Variants in NRXN3 observed in about 807,000 individuals in gnomAD.
NRXN3 encodes the protein neurexin 3.
In NRXN3, 32 loss-of-function variants were observed where a neutral mutation model predicts 137.6. The ratio of observed to expected loss-of-function variants is 0.23; its 90% confidence interval spans 0.18 to 0.31. The LOEUF is 0.31. NRXN3 is among the 10% of genes least tolerant of loss of function. NRXN3 has a pLI of 1.00. For missense variants in NRXN3, 1,574 were observed against 2,062.5 expected (o/e 0.76, Z 4.59); for synonymous variants, 798 against 784.5 (o/e 1.02, Z -0.29).
intron 15 of NRXN3, among the ~76,000 whole-genome samples, chr14:79,076,711 A>G (rs775972816): frequency 6.6e-6 from 1 of 152,188 alleles, no homozygotes; most frequent in Non-Finnish European, 1.5e-5. Flanking sequence ...GGGAGGGAAT[A>G]ATCAAGGGTA....
intron 17 of NRXN3, among the ~76,000 whole-genome samples, chr14:79,667,260 G>T (rs2098565225): frequency 6.6e-6 from 1 of 151,940 alleles, no homozygotes; most frequent in African/African-American, 2.4e-5. Flanking sequence ...AATAACAGTA[G>T]GTTTAGAAAT....
intron 15 of NRXN3, among the ~76,000 whole-genome samples, chr14:79,009,004 T>C (rs998333597): frequency 1.2e-4 from 18 of 152,110 alleles, no homozygotes; most frequent in African/African-American, 4.3e-4. Context: ...TAAGTAATGA[T>C]GTTTGCCGGG....
intron 1 of NRXN3, among the ~76,000 whole-genome samples, chr14:78,212,832 G>A (rs1021809685): frequency 5.3e-5 from 8 of 152,160 alleles, no homozygotes; most frequent in African/African-American, 1.9e-4. Flanking sequence ...ACTTTTGGTA[G>A]TGGAACTTTT....
At chr14:79,442,009 A>G (rs1041891549) in intron 15 of NRXN3, among the ~76,000 whole-genome samples, 38 of 152,228 alleles carry the variant, frequency 2.5e-4, no homozygotes, top group African/African-American at 8.9e-4. Context: ...CTAGGTGAGT[A>G]TAGGAAGCAT....
In NRXN3 at chr14:78,587,814, T is replaced by C. The variant is rs145589856; in HGVS notation, c.758-57306T>C. 4.5e-3 allele frequency among the ~76,000 whole-genome samples: 680 copies of C among 152,342 alleles called. 5 individuals are homozygous for C. The highest frequency in any genetic ancestry group is 0.016 in the African/African-American group (651 of 41,578). The stretch of plus-strand genomic sequence containing the variant: ...TGTTATATTAGATGTTGGGCCTTTG[T>C]CATATTTCTATATTTTGTGTTGTTT... On this transcript the variant is annotated intron_variant, in intron 4 of 20. Transcript: ENST00000335750.
chr14:78,542,646 G>C (rs924564303), intron 4 of NRXN3, among the ~76,000 whole-genome samples: 2 of 152,076 alleles, frequency 1.3e-5, no homozygotes, highest in Non-Finnish European at 2.9e-5. Context: ...GCACTTCCTG[G>C]GTGAGGCGAT....
At chr14:78,880,321 A>G (rs1176000843) in intron 10 of NRXN3, among the ~76,000 whole-genome samples, 1 of 152,026 alleles carries the variant, frequency 6.6e-6, no homozygotes, top group Non-Finnish European at 1.5e-5. Context: ...GGAAGCCAAT[A>G]AAGGATGGAG....
intron 19 of NRXN3, among the ~76,000 whole-genome samples, chr14:79,766,804 G>A (rs1463321220): frequency 3.9e-5 from 6 of 152,110 alleles, no homozygotes; most frequent in African/African-American, 1.2e-4. Flanking sequence ...AGGCAGGCAG[G>A]AAGAAGAAGG....
chr14:79,750,387 C>T (rs968713045), intron 19 of NRXN3, among the ~76,000 whole-genome samples: 7 of 152,114 alleles, frequency 4.6e-5, no homozygotes, highest in Non-Finnish European at 7.4e-5. Flanking sequence ...CTTATATTTG[C>T]ATTCTTACCA....
intron 4 of NRXN3, among the ~76,000 whole-genome samples, chr14:78,558,070 A>C (rs1360558690): frequency 6.6e-6 from 1 of 152,248 alleles, no homozygotes; most frequent in Admixed American, 6.5e-5. Flanking sequence ...GTGGTAGAGC[A>C]GCATTTGAAC....
chr14:79,078,254 C>G (rs1199308607), intron 15 of NRXN3, among the ~76,000 whole-genome samples: 2 of 152,088 alleles, frequency 1.3e-5, no homozygotes, highest in Non-Finnish European at 2.9e-5. Context: ...ATTCAAGATA[C>G]TTTGGTGTCA....
chr14:79,831,375 A>T (rs977743535), intron 20 of NRXN3, among the ~76,000 whole-genome samples: 1 of 152,198 alleles, frequency 6.6e-6, no homozygotes, highest in African/African-American at 2.4e-5. Flanking sequence ...AGATTATGGC[A>T]TTTCACACAT....
chr14:78,422,731 A>G (rs1355758341), intron 4 of NRXN3, among the ~76,000 whole-genome samples: 1 of 152,216 alleles, frequency 6.6e-6, no homozygotes, highest in African/African-American at 2.4e-5. Flanking sequence ...TCTTTCTTTC[A>G]GTTCACAAAA....
At chr14:79,414,550 C>T (rs142617151) in intron 15 of NRXN3, among the ~76,000 whole-genome samples, 212 of 152,140 alleles carry the variant, frequency 1.4e-3, no homozygotes, top group Middle Eastern at 6.8e-3. Flanking sequence ...TATTTCTTTC[C>T]CCATCCCCAA....
rs142490406 is a variant in NRXN3 at position 78,762,095 on chromosome 14, A to G, written c.2045-41525A>G. Reference sequence around the variant, plus strand: ...ACTCAGATCTCTTACTCCAAAGACCATTCTCTTTATTATTAAACTATTGAT... The same window carrying G: ...ACTCAGATCTCTTACTCCAAAGACCGTTCTCTTTATTATTAAACTATTGAT... On this transcript the variant is annotated intron_variant, in intron 8 of 20. Coordinates refer to ENST00000335750, the MANE Select transcript of NRXN3 (RefSeq NM_001330195.2). Among the ~76,000 whole-genome samples the G allele has an allele frequency of 1.2e-4, 19 of 152,310 alleles. No homozygotes were observed. In the Middle Eastern group the frequency reaches 0.014, roughly 109 times the overall value.
chr14:78,856,838 A>T (rs951159779), intron 10 of NRXN3, among the ~76,000 whole-genome samples: 1 of 152,124 alleles, frequency 6.6e-6, no homozygotes, highest in African/African-American at 2.4e-5. Flanking sequence ...GGTTCAAGTG[A>T]TTCTCCTGCC....
At chr14:78,833,128 C>T (rs1285493260) in intron 10 of NRXN3, among the ~76,000 whole-genome samples, 1 of 152,120 alleles carries the variant, frequency 6.6e-6, no homozygotes, top group African/African-American at 2.4e-5. Context: ...GCTTGTCTCT[C>T]CCAAGTTCTA....
intron 15 of NRXN3, among the ~76,000 whole-genome samples, chr14:79,194,199 AG>A (rs1301937945): frequency 6.6e-6 from 1 of 152,212 alleles, no homozygotes; most frequent in African/African-American, 2.4e-5. Flanking sequence ...ACATTTTCCC[AG>A]GATTCCTCTC....
Position 79,799,172 on chromosome 14 carries a change from A to T in NRXN3, c.4015-5940A>T, listed in dbSNP as rs142728881. ...TTTATTGAAAGTTATTATAATACCT[A>T]TCTTTAGTTTTATGAGTCCTAACAC... On this transcript the variant is annotated intron_variant, in intron 19 of 20. Transcript: ENST00000335750. Among the ~76,000 whole-genome samples, 233 of 152,326 alleles carry T rather than the reference A, an allele frequency of 1.5e-3. 1 individual carries two copies. Among genetic ancestry groups the T allele is most frequent in the East Asian group, 2.7e-3 (14 of 5,182 alleles).
Sources: gnomAD v4.1 joint callset for allele counts (sites outside exome capture counted in the v4.1 genomes callset) on GRCh38, gnomAD v4.1.1 for gene constraint, MANE v1.5 for transcripts, NCBI Gene and HGNC (gene_info 2026-07-23, HGNC 2026-07-21) for gene names.